Variants in ZFR observed in about 807,000 individuals in gnomAD.
ZFR encodes zinc finger RNA-binding protein.
A neutral mutation model predicts 130.7 loss-of-function variants in ZFR; 19 were observed. That is an observed-to-expected ratio of 0.15 (90% CI 0.10 to 0.21). The LOEUF is 0.21. Ranked by LOEUF, ZFR falls within the 10% of genes least tolerant of loss-of-function variation. The pLI is 1.00. For synonymous variants in ZFR, 466 were observed against 456.9 expected (o/e 1.02, Z -0.25); for missense variants, 872 against 1,321.5 (o/e 0.66, Z 5.27).
chr5:32,395,761 T>C (rs1397071964), intron 10 of ZFR, among the ~76,000 whole-genome samples: 1 of 152,218 alleles, frequency 6.6e-6, no homozygotes, highest in Non-Finnish European at 1.5e-5. Flanking sequence ...ACTTAATGAA[T>C]AGTAAATATT....
At chr5:32,429,903 T>TA (rs869237943) in intron 2 of ZFR, among the ~76,000 whole-genome samples, 13 of 151,288 alleles carry the variant, frequency 8.6e-5, no homozygotes, top group South Asian at 8.4e-4. Flanking sequence ...GCCCTGCCTT[T>TA]AAAAAAAAAT....
Position 32,406,994 on chromosome 5 carries a change from G to C in ZFR, c.812C>G (p.Ala271Gly). ...SGTSYSGYEA[A>G]VYSAASSYYQ... ...GTAGGAAGATGCAGCTGAATACACT[G>C]CTGCTTCATAACCTGAATAAGACGT... Residue 271 changes from alanine to glycine, a missense_variant, in exon 6 of 20, where the codon GCA becomes GGA. Physicochemically the swap from Ala to Gly is moderately conservative, Grantham distance 60 (BLOSUM62 0). Transcript: ENST00000265069. 1 of 1,560,256 alleles carries C rather than the reference G, an allele frequency of 6.4e-7. No individual in the cohort carries two copies. The highest frequency in any genetic ancestry group is 2.3e-5 in the East Asian group (1 of 43,904).
At position 32,394,623 on chromosome 5, in the gene ZFR, G is replaced by A. The variant is rs1348949740; in HGVS notation, c.1979+536C>T. On this transcript the variant is annotated intron_variant, in intron 11 of 19. Coordinates refer to ENST00000265069, the MANE Select transcript of ZFR (RefSeq NM_016107.5). ...TGGGTACGTGATTTCTTTTGAGGGT[G>A]ATGAACTGTTCTAAATTGATTGTGG... The A allele has an allele frequency of 2.6e-5, 4 of 152,230 alleles. No homozygotes were observed. In the South Asian group the frequency reaches 6.2e-4, roughly 24 times the overall value. The allele number at this position is 152,230 out of a possible 1,614,324, so 9.4% of individuals were successfully genotyped here.
chr5:32,363,836 G>T, intron 19 of ZFR, 112 bp downstream of exon 19: 2 of 856,810 alleles, frequency 2.3e-6, no homozygotes, highest in Admixed American at 3.2e-5. Flanking sequence ...TACTACAGAA[G>T]CAGAAGAACG....
intron 11 of ZFR, among the ~76,000 whole-genome samples, chr5:32,391,925 G>A (rs755693524): frequency 6.6e-5 from 10 of 151,980 alleles, no homozygotes; most frequent in Non-Finnish European, 1.5e-4. Flanking sequence ...GTAGAGATGG[G>A]GTCTTGTCAT....
intron 19 of ZFR, among the ~76,000 whole-genome samples, chr5:32,359,420 C>G (rs188710571): frequency 2.0e-5 from 3 of 152,160 alleles, no homozygotes; most frequent in African/African-American, 7.2e-5. Flanking sequence ...ACTGGATACC[C>G]CTGCCCTAAA....
intron 11 of ZFR, among the ~76,000 whole-genome samples, chr5:32,391,402 C>T (rs368783356): frequency 2.0e-5 from 3 of 152,130 alleles, no homozygotes; most frequent in African/African-American, 4.8e-5. Flanking sequence ...TGAAACTTCA[C>T]GGTTGCTGGT....
chr5:32,370,100 T>G (rs886623786), intron 17 of ZFR, among the ~76,000 whole-genome samples: 3 of 150,068 alleles, frequency 2.0e-5, no homozygotes, highest in Non-Finnish European at 4.5e-5. Context: ...TTTTTTTTTT[T>G]TTTTTTTTTT....
In ZFR at chr5:32,417,673, A is replaced by G; in HGVS notation, c.540T>C (p.Ser180=). Residue 180 remains serine, a synonymous_variant, in exon 4 of 20, where the codon TCT becomes TCC. Coordinates refer to ENST00000265069, the MANE Select transcript of ZFR (RefSeq NM_016107.5). ...CTGTCTGATAGTAAGTTTCAGCAAC[A>G]GAAGGCTGAGGTTGGGCAGCGGCAG... ...AVAAAAQPQP[S]VAETYYQTAP... is the part of the protein sequence containing the mutation. 2 of 1,613,778 alleles carry G rather than the reference A, an allele frequency of 1.2e-6. No homozygotes were observed. The highest frequency in any genetic ancestry group is 1.7e-6 in the Non-Finnish European group (2 of 1,179,880).
intron 2 of ZFR, 119 bp from the exon 3 acceptor site, chr5:32,420,222 G>C: frequency 8.5e-7 from 1 of 1,170,018 alleles, no homozygotes; most frequent in Non-Finnish European, 1.1e-6. Flanking sequence ...TTTAATGACG[G>C]ACCACAAAAG....
At chr5:32,407,594 G>C (rs962246140) in intron 5 of ZFR, among the ~76,000 whole-genome samples, 24 of 151,980 alleles carry the variant, frequency 1.6e-4, no homozygotes, top group African/African-American at 5.6e-4. Flanking sequence ...ATGCTAGTCT[G>C]GGGAGGCAAG....
rs971675037 is a variant in ZFR at position 32,444,192 on chromosome 5, G to A, written c.137+37C>T. ...CGACAGGATCCGGACCGAGGGGAGA[G>A]CAAGGGGCGAACAGAGAGAAGGCAG... On this transcript the variant is annotated intron_variant, in intron 2 of 19. Transcript: ENST00000265069. The A allele has an allele frequency of 3.8e-6, 6 of 1,587,402 alleles. No individual in the cohort carries two copies. In the African/African-American group the frequency reaches 8.2e-5, roughly 22 times the overall value.
chr5:32,441,309 T>G (rs1252032786), intron 2 of ZFR, among the ~76,000 whole-genome samples: 1 of 152,184 alleles, frequency 6.6e-6, no homozygotes, highest in Non-Finnish European at 1.5e-5. Context: ...GGATGTTTAC[T>G]TTATCTGTAT....
chr5:32,395,847 T>C (rs558370477), intron 10 of ZFR, among the ~76,000 whole-genome samples: 31 of 152,236 alleles, frequency 2.0e-4, no homozygotes, highest in Non-Finnish European at 3.8e-4. Context: ...ATATATGAGA[T>C]ACATGACATA....
chr5:32,427,596 T>C (rs1290395125), intron 2 of ZFR, among the ~76,000 whole-genome samples: 2 of 152,264 alleles, frequency 1.3e-5, no homozygotes, highest in East Asian at 1.9e-4. Flanking sequence ...GTGAAATTCC[T>C]ATAAAAATCC....
intron 19 of ZFR, among the ~76,000 whole-genome samples, chr5:32,356,505 C>T (rs1449034468): frequency 2.6e-5 from 4 of 151,952 alleles, no homozygotes; most frequent in Non-Finnish European, 4.4e-5. Flanking sequence ...CTCCGCCTCC[C>T]GGGTTCACGC....
chr5:32,414,885 G>T, intron 5 of ZFR, 84 bp downstream of exon 5: 1 of 1,205,336 alleles, frequency 8.3e-7, no homozygotes, highest in Non-Finnish European at 1.2e-6. Flanking sequence ...TGGGAGTAAG[G>T]TAATTTCAAA....
chr5:32,444,641 A>G lies in ZFR; in HGVS notation c.18T>C (p.Pro6=). Residue 6 remains proline (P), a synonymous_variant, in exon 1 of 20, where the codon CCT becomes CCC. Coordinates refer to ENST00000265069, the MANE Select transcript of ZFR (RefSeq NM_016107.5). The stretch of plus-strand genomic sequence containing the variant: ...ACTCACCATAGGTGAAAGAAACTAC[A>G]GGGCATATGGGAATCATGGGCTCGG... MIPIC[P]VVSFTYVPSR... 1.3e-6 allele frequency: 2 copies of G among 1,508,406 alleles called. No homozygotes were observed. Among genetic ancestry groups the G allele is most frequent in the Non-Finnish European group, 1.8e-6 (2 of 1,129,348 alleles). The allele number at this position is 1,508,406 out of a possible 1,614,324, so 93.4% of individuals were successfully genotyped here.
intron 6 of ZFR, 118 bp from the exon 7 acceptor site, chr5:32,404,215 A>C (rs79275345): frequency 0.022 from 17,815 of 816,792 alleles, 240 homozygotes; most frequent in Non-Finnish European, 0.027. Flanking sequence ...CAAACTTTTT[A>C]AGTTGAAAAA....
Sources: gnomAD v4.1 joint callset for allele counts (sites outside exome capture counted in the v4.1 genomes callset) on GRCh38, gnomAD v4.1.1 for gene constraint, MANE v1.5 for transcripts, NCBI Gene and HGNC (gene_info 2026-07-23, HGNC 2026-07-21) for gene names.